Variants in PTBP2 observed in about 807,000 individuals in gnomAD.
The protein encoded by PTBP2 is polypyrimidine tract binding protein 2, also known as polypyrimidine tract-binding protein 2.
PTBP2 carries 13 observed loss-of-function variants against 61.4 expected under a neutral mutation model. The observed-to-expected ratio is 0.21, with a 90% CI of 0.14 to 0.34. PTBP2 has a LOEUF of 0.34. Among genes scored for constraint, PTBP2 ranks in the 10% least tolerant of loss-of-function variants. PTBP2 has a pLI of 1.00. For missense variants in PTBP2, 405 were observed against 642.6 expected (o/e 0.63, Z 4.00); for synonymous variants, 215 against 218.5 (o/e 0.98, Z 0.14).
intron 7 of PTBP2, 123 bp downstream of exon 7, chr1:96,778,069 T>C (rs1210235241): frequency 2.5e-6 from 1 of 406,586 alleles, no homozygotes; most frequent in Non-Finnish European, 4.3e-6. Flanking sequence ...ATTGATGGCA[T>C]TAATATTAAG....
At chr1:96,747,965 G>A (rs574881010) in intron 2 of PTBP2, among the ~76,000 whole-genome samples, 1 of 151,126 alleles carries the variant, frequency 6.6e-6, no homozygotes, top group South Asian at 2.1e-4. Flanking sequence ...TATTGGTTGC[G>A]TGAGTCAGGG....
At chr1:96,724,719 G>C (rs534894073) in intron 2 of PTBP2, among the ~76,000 whole-genome samples, 176 of 137,818 alleles carry the variant, frequency 1.3e-3, no homozygotes, top group Non-Finnish European at 2.0e-3. Flanking sequence ...ATAGGGGGGA[G>C]GGGGGAGGGA....
At chr1:96,819,062 G>C (rs1271636906), downstream of PTBP2, 1 of 151,886 alleles carries the variant, frequency 6.6e-6, no homozygotes, top group Non-Finnish European at 1.5e-5. Flanking sequence ...TGACAGGGAA[G>C]GAATGTCCAT....
At chr1:96,743,706 T>C (rs1273369579) in intron 2 of PTBP2, among the ~76,000 whole-genome samples, 1 of 152,168 alleles carries the variant, frequency 6.6e-6, no homozygotes, top group East Asian at 1.9e-4. Context: ...GTATAATCAA[T>C]ATGAGTTCCT....
At chr1:96,754,597 G>A (rs911836782) in intron 3 of PTBP2, among the ~76,000 whole-genome samples, 4 of 152,150 alleles carry the variant, frequency 2.6e-5, no homozygotes, top group Non-Finnish European at 4.4e-5. Context: ...TTGACTACCA[G>A]TTTTCAAGAA....
chr1:96,727,972 C>T (rs1255695416), intron 2 of PTBP2, among the ~76,000 whole-genome samples: 2 of 151,654 alleles, frequency 1.3e-5, no homozygotes, highest in Non-Finnish European at 2.9e-5. Flanking sequence ...GATTTTTTTC[C>T]TTTTGTTTGT....
At chr1:96,770,166 T>C (rs1657221418) in intron 4 of PTBP2, among the ~76,000 whole-genome samples, 1 of 152,028 alleles carries the variant, frequency 6.6e-6, no homozygotes, top group African/African-American at 2.4e-5. Flanking sequence ...GCTCTGTTCT[T>C]TGGTATCAGA....
chr1:96,791,838 T>TTTTTTTGTTTTTTTTTTTTG (rs1557759290), intron 8 of PTBP2, among the ~76,000 whole-genome samples: 1 of 137,628 alleles, frequency 7.3e-6, no homozygotes, highest in Admixed American at 7.2e-5. Context: ...TTTTTTTTTT[T>TTTTTTTGTTTTTTTTTTTTG]TTTTTTTTTT....
chr1:96,721,995 A>AC (rs1486863366), intron 1 of PTBP2, 123 bp downstream of exon 1: 2 of 1,284,250 alleles, frequency 1.6e-6, no homozygotes, highest in Non-Finnish European at 2.2e-6. Flanking sequence ...CCGTTACCCA[A>AC]CCCCCGCCCC....
chr1:96,721,938 C>T lies in PTBP2; in HGVS notation c.8+66C>T, dbSNP rs975678448. ...AGTTGGACCGTCCTTCGGCCCGGTC[C>T]CGGGCCGGGGAGAAACCCTCCCGCG... is the stretch of plus-strand genomic sequence containing the variant. On this transcript the variant is annotated intron_variant, in intron 1 of 13. Transcript: ENST00000674951. 28 of 1,551,892 alleles carry T rather than the reference C, an allele frequency of 1.8e-5. No individual in the cohort carries two copies. The African/African-American group carries it at 3.3e-4, about 18-fold the overall frequency.
intron 8 of PTBP2, among the ~76,000 whole-genome samples, chr1:96,793,457 C>A (rs1374126484): frequency 6.6e-6 from 1 of 152,052 alleles, no homozygotes; most frequent in Non-Finnish European, 1.5e-5. Context: ...GCAAGCTCCG[C>A]CTCCTGGGTT....
rs1359010251 is a variant in PTBP2 at position 96,721,803 on chromosome 1, C to G, written c.-62C>G. On this transcript the variant is annotated 5_prime_UTR_variant, in exon 1 of 14. Coordinates refer to ENST00000674951, the MANE Select transcript of PTBP2 (RefSeq NM_021190.4). Reference sequence around the variant, plus strand: ...GGCCCCAGCCGCCATTTTCTCGCCGCTTGTGTGGCTCGCTGGCTGCGTGGC... The same window carrying G: ...GGCCCCAGCCGCCATTTTCTCGCCGGTTGTGTGGCTCGCTGGCTGCGTGGC... 1.3e-6 allele frequency: 2 copies of G among 1,550,732 alleles called. No individual in the cohort carries two copies. The highest frequency in any genetic ancestry group is 1.7e-6 in the Non-Finnish European group (2 of 1,146,106).
chr1:96,805,706 A>G (rs1016095440), intron 9 of PTBP2, among the ~76,000 whole-genome samples: 1 of 152,206 alleles, frequency 6.6e-6, no homozygotes, highest in Admixed American at 6.5e-5. Flanking sequence ...GTTAATATGA[A>G]CATTAGCTTA....
At chr1:96,788,204 C>T (rs771591728) in intron 8 of PTBP2, among the ~76,000 whole-genome samples, 6 of 151,932 alleles carry the variant, frequency 3.9e-5, no homozygotes, top group African/African-American at 7.2e-5. Flanking sequence ...TTAGGATGTA[C>T]GGTAATTCTT....
rs191747524 is a variant in PTBP2 at position 96,734,347 on chromosome 1, T to G, written c.39+10753T>G. 3.7e-4 allele frequency among the ~76,000 whole-genome samples: 57 copies of G among 152,304 alleles called. 1 individual carries two copies. Among genetic ancestry groups the G allele is most frequent in the Admixed American group, 3.5e-3 (54 of 15,308 alleles). ...AAGAATAGGGACTCTCCTCTCCTTT[T>G]TAAAATATAATCAAAAGACTGTTAG... On this transcript the variant is annotated intron_variant, in intron 2 of 13. Transcript: ENST00000674951.
intron 2 of PTBP2, among the ~76,000 whole-genome samples, chr1:96,731,739 T>A (rs540182497): frequency 1.9e-4 from 29 of 152,130 alleles, no homozygotes; most frequent in Non-Finnish European, 3.8e-4. Flanking sequence ...GTTAGCTCAG[T>A]GAGACTATTA....
intron 2 of PTBP2, among the ~76,000 whole-genome samples, chr1:96,750,506 TATTC>T (rs758192167): frequency 6.6e-6 from 1 of 152,068 alleles, no homozygotes; most frequent in African/African-American, 2.4e-5. Context: ...TAATACAGTT[TATTC>T]ATTATGAGTT....
intron 2 of PTBP2, among the ~76,000 whole-genome samples, chr1:96,750,958 A>G (rs1338741602): frequency 6.6e-6 from 1 of 152,084 alleles, no homozygotes; most frequent in African/African-American, 2.4e-5. Flanking sequence ...TGTTCTAGCC[A>G]CTGAAGTATA....
chr1:96,761,333 G>C (rs1377460879), intron 3 of PTBP2, among the ~76,000 whole-genome samples: 1 of 141,482 alleles, frequency 7.1e-6, no homozygotes, highest in Non-Finnish European at 1.5e-5. Context: ...CAGGGGCCTA[G>C]ATGTGGGATT....
Sources: gnomAD v4.1 joint callset for allele counts (sites outside exome capture counted in the v4.1 genomes callset) on GRCh38, gnomAD v4.1.1 for gene constraint, MANE v1.5 for transcripts, NCBI Gene and HGNC (gene_info 2026-07-23, HGNC 2026-07-21) for gene names.